ZNF263: variants seen among roughly 807,000 people sequenced by gnomAD.
The protein encoded by ZNF263 is zinc finger protein 263.
ZNF263 carries 49 observed loss-of-function variants against 63.1 expected under a neutral mutation model. The observed-to-expected ratio is 0.78, with a 90% CI of 0.62 to 0.99. The LOEUF (loss-of-function observed/expected upper bound fraction) is 0.99. ZNF263 is among the 50% of genes least tolerant of loss of function. ZNF263 has a pLI of 0.00. For synonymous variants in ZNF263, 352 were observed against 324.2 expected, an observed-to-expected ratio of 1.09 and a Z score of -0.92; for missense variants, 872 against 854.8, an observed-to-expected ratio of 1.02 and a Z score of -0.25.
At chr16:3,300,873 AT>A (rs1327051661) in intron 2 of ZNF263, 6 of 378,824 alleles carry the variant, frequency 1.6e-5, no homozygotes, top group Middle Eastern at 7.6e-4. Flanking sequence ...ATGAGTGATC[AT>A]TTTTCAGAAT....
intron 1 of ZNF263, among the ~76,000 whole-genome samples, chr16:3,284,543 A>G (rs1230566706): frequency 6.6e-6 from 1 of 152,198 alleles, no homozygotes; most frequent in Non-Finnish European, 1.5e-5. Context: ...TATTCGTAAA[A>G]TGAGGATATT....
In ZNF263 at chr16:3,300,131, T is replaced by C. The variant is rs750908661; in HGVS notation, c.*47-782T>C. 26 of 1,614,132 alleles carry C rather than the reference T, an allele frequency of 1.6e-5. No individual in the cohort carries two copies. The African/African-American group carries it at 3.1e-4, about 19-fold the overall frequency. On this transcript the variant is annotated intron_variant, in intron 2 of 2. Transcript: ENST00000574674. ...CACAGTTTCTCCTCTTTGATTATCA[T>C]GGACAGTTTTTGTCGAAATGGCTCA...
chr16:3,285,578 A>G (rs575977223), intron 2 of ZNF263, 103 bp from the exon 3 acceptor site: 1 of 1,230,530 alleles, frequency 8.1e-7, no homozygotes, highest in Non-Finnish European at 1.2e-6. Flanking sequence ...GTCATTCCCA[A>G]AAGCAGAGGC....
At chr16:3,292,266 A>T (rs1367889036), downstream of ZNF263, among the ~76,000 whole-genome samples, 1 of 152,214 alleles carries the variant, frequency 6.6e-6, no homozygotes, top group African/African-American at 2.4e-5. Context: ...GAAGTCATGG[A>T]AACAGCGCTC....
Position 3,290,493 on chromosome 16 carries a change from G to C in ZNF263, c.1987G>C (p.Glu663Gln). The C allele has an allele frequency of 6.2e-7, 1 of 1,614,014 alleles. No individual in the cohort carries two copies. The highest frequency in any genetic ancestry group is 1.1e-5 in the South Asian group (1 of 91,058). Residue 663 changes from glutamate (E) to glutamine (Q), a missense_variant, in exon 6 of 6, where the codon GAA becomes CAA. Glu to Gln is a conservative substitution (Grantham distance 29, BLOSUM62 2). Coordinates refer to ENST00000219069, the MANE Select transcript of ZNF263 (RefSeq NM_005741.5). Reference protein sequence around the residue: ...HTGERPYKCSECGESFSRSSR... With the variant: ...HTGERPYKCSQCGESFSRSSR... ...GGGAGAGAGACCCTATAAATGTTCT[G>C]AATGTGGAGAAAGCTTCTCTCGGAG... is the stretch of plus-strand genomic sequence containing the variant.
rs1959319752 is a variant in ZNF263 at position 3,285,642 on chromosome 16, T to C, written c.569-39T>C. On this transcript the variant is annotated intron_variant, in intron 2 of 5. Coordinates refer to ENST00000219069, the MANE Select transcript of ZNF263 (RefSeq NM_005741.5). ...TAATAATCCTTGGGTTGCCAAGAGT[T>C]AGGAATGCCATTCTCATTATAATTT... is the stretch of plus-strand genomic sequence containing the variant. The C allele has an allele frequency of 1.9e-6, 3 of 1,601,264 alleles. 1 individual carries two copies. The South Asian group carries it at 3.3e-5, about 18-fold the overall frequency.
At chr16:3,291,801 C>G (rs1464979672), downstream of ZNF263, among the ~76,000 whole-genome samples, 3 of 152,200 alleles carry the variant, frequency 2.0e-5, no homozygotes, top group African/African-American at 7.2e-5. Flanking sequence ...TGAGGAAGAT[C>G]TGACTCTTAG....
chr16:3,285,308 A>C, intron 2 of ZNF263, 69 bp downstream of exon 2: 1 of 1,475,784 alleles, frequency 6.8e-7, no homozygotes, highest in Admixed American at 2.2e-5. Context: ...CACTAGCTGG[A>C]TGTAGCAATG....
At position 3,289,528 on chromosome 16, in the gene ZNF263, C is replaced by T. The variant is rs767341301; in HGVS notation, c.1022C>T (p.Ser341Leu). 90 of 1,597,944 alleles carry T rather than the reference C, an allele frequency of 5.6e-5. No individual in the cohort carries two copies. The East Asian group carries it at 1.0e-3, about 18-fold the overall frequency. ...GAGCTGGGAAGACCTCATGACCGGT[C>T]GCAAGGGGATTGGGCGCCTCCCCCA... ...SPELGRPHDR[S>L]QGDWAPPPEG... The change falls in exon 6 of 6, where the codon TCG becomes TTG. Residue 341 changes from serine (S) to leucine (L), a missense_variant. Coordinates refer to ENST00000219069, the MANE Select transcript of ZNF263 (RefSeq NM_005741.5).
At chr16:3,285,846 C>T (rs943289399) in intron 3 of ZNF263, 92 bp downstream of exon 3, 3 of 1,536,864 alleles carry the variant, frequency 2.0e-6, no homozygotes, top group African/African-American at 2.7e-5. Context: ...TCCTTTGTCC[C>T]TTACCACAGC....
intron 5 of ZNF263, among the ~76,000 whole-genome samples, 183 bp from the exon 6 acceptor site, chr16:3,289,210 C>A (rs1457447745): frequency 2.0e-5 from 3 of 152,128 alleles, no homozygotes; most frequent in African/African-American, 7.2e-5. Context: ...GATTCCTTGA[C>A]CAGTGGCCCG....
chr16:3,291,437 A>T lies in ZNF263; in HGVS notation c.*879A>T. The T allele has an allele frequency of 1.0e-6, 1 of 985,454 alleles. No individual in the cohort carries two copies. The highest frequency in any genetic ancestry group is 1.2e-6 in the Non-Finnish European group (1 of 829,938). The allele number at this position is 985,454 out of a possible 1,614,324, so 61.0% of individuals were successfully genotyped here. A position where few individuals can be genotyped will look rare whatever the true frequency, so the allele number is the denominator to read the frequency against. On this transcript the variant is annotated 3_prime_UTR_variant, in exon 6 of 6. Transcript: ENST00000219069. ...CCCTGTTGAAAATGTTTGGATGGGA[A>T]TAAATATCTTCAGGAAACATAAATG... is the stretch of plus-strand genomic sequence containing the variant.
chr16:3,299,682 A>C (rs1959875981), intron 2 of ZNF263: 1 of 1,543,418 alleles, frequency 6.5e-7, no homozygotes, highest in African/African-American at 1.4e-5. Context: ...TTATTCGACC[A>C]TCCTCACTGG....
In ZNF263 at chr16:3,291,202, G is replaced by A. The variant is rs1379806348; in HGVS notation, c.*644G>A. The A allele has an allele frequency of 3.0e-6, 3 of 985,522 alleles. No homozygotes were observed. The highest frequency in any genetic ancestry group is 3.6e-6 in the Non-Finnish European group (3 of 830,138). The allele number at this position is 985,522 out of a possible 1,614,324, so 61.0% of individuals were successfully genotyped here. On this transcript the variant is annotated 3_prime_UTR_variant, in exon 6 of 6. Transcript: ENST00000219069. ...GAGGCCCAAGGGCAATAATAAGGTGGAATTTGCAGGTCAGCCCAGGAATTG... is the reference window on the plus strand; with the variant it reads ...GAGGCCCAAGGGCAATAATAAGGTGAAATTTGCAGGTCAGCCCAGGAATTG...
chr16:3,291,507 T>TG, downstream of ZNF263: 7 of 984,820 alleles, frequency 7.1e-6, no homozygotes, highest in Non-Finnish European at 8.4e-6. Context: ...CCCCGAGTGT[T>TG]GATCTGTCTC....
At chr16:3,298,353 T>A (rs1488486306) in intron 1 of ZNF263, among the ~76,000 whole-genome samples, 7 of 152,242 alleles carry the variant, frequency 4.6e-5, no homozygotes, top group Admixed American at 4.6e-4. Flanking sequence ...ATATACTCAA[T>A]AAATGCTAAC....
At position 3,290,162 on chromosome 16, in the gene ZNF263, G is replaced by C. The variant is rs1259344394; in HGVS notation, c.1656G>C (p.Gly552=). Reference sequence around the variant, plus strand: ...GACTTTACCCCTTCTCTGAGTGTGGGGAAGCTGTGAGTGACAGCACCCCCT... The same window carrying C: ...GACTTTACCCCTTCTCTGAGTGTGGCGAAGCTGTGAGTGACAGCACCCCCT... The part of the protein sequence containing the change: ...RERLYPFSEC[G]EAVSDSTPFL... Residue 552 remains glycine (G), a synonymous_variant, in exon 6 of 6, where the codon GGG becomes GGC. Transcript: ENST00000219069. 1 of 1,614,120 alleles carries C rather than the reference G, an allele frequency of 6.2e-7. No individual in the cohort carries two copies. The highest frequency in any genetic ancestry group is 1.1e-5 in the South Asian group (1 of 91,082).
intron 2 of ZNF263, chr16:3,299,845 A>G: frequency 6.3e-7 from 1 of 1,592,038 alleles, no homozygotes; most frequent in Non-Finnish European, 8.5e-7. Flanking sequence ...TTCTCTGGTG[A>G]ACCAAACATC....
Position 3,299,751 on chromosome 16 carries a change from G to T in ZNF263, c.*46+595G>T, listed in dbSNP as rs143146510. 3 of 1,546,116 alleles carry T rather than the reference G, an allele frequency of 1.9e-6. No individual in the cohort carries two copies. In the Admixed American group the frequency reaches 6.3e-5, roughly 32 times the overall value. On this transcript the variant is annotated intron_variant, in intron 2 of 2. Transcript: ENST00000574674. ...TGTCCAGAAGTAACAATGCCCTGAC[G>T]TCCTCGTCATGAAATCTTAGAACAT...
Sources: allele counts gnomAD v4.1 joint callset (sites outside exome capture counted in the v4.1 genomes callset), GRCh38; gene constraint gnomAD v4.1.1; transcripts MANE v1.5; gene names NCBI Gene and HGNC (gene_info 2026-07-23, HGNC 2026-07-21).